Variants in LSAMP observed in about 807,000 individuals in gnomAD.
LSAMP encodes the protein limbic system associated membrane protein, also known as limbic system-associated membrane protein.
LSAMP carries 7 observed loss-of-function variants against 38.6 expected under a neutral mutation model. The ratio of observed to expected loss-of-function variants is 0.18; its 90% CI spans 0.10 to 0.34. The LOEUF is 0.34. Among genes scored for constraint, LSAMP ranks in the 10% least tolerant of loss-of-function variants. The pLI is 1.00. For missense variants in LSAMP, 313 were observed against 420.0 expected (o/e 0.75, Z 2.23); for synonymous variants, 154 against 166.8 (o/e 0.92, Z 0.59).
At position 115,841,891 on chromosome 3, in the gene LSAMP, C is replaced by T; in HGVS notation, c.873G>A (p.Val291=). ...TEEHYGNYTC[V]AANKLGVTNA... is the part of the protein sequence containing the mutation. The stretch of plus-strand genomic sequence containing the variant: ...TGGTGACCCCCAGCTTGTTGGCAGC[C>T]ACACAGGTGTAGTTGCCGTAGTGCT... The change falls in exon 6 of 7, where the codon GTG becomes GTA. Residue 291 remains valine, a synonymous_variant. Coordinates refer to ENST00000490035, the MANE Select transcript of LSAMP (RefSeq NM_002338.5). The T allele has an allele frequency of 6.2e-7, 1 of 1,613,928 alleles. No homozygotes were observed. The highest frequency in any genetic ancestry group is 1.1e-5 in the South Asian group (1 of 91,044).
chr3:116,176,056 C>A (rs997567636), intron 1 of LSAMP, among the ~76,000 whole-genome samples: 1 of 152,034 alleles, frequency 6.6e-6, no homozygotes, highest in African/African-American at 2.4e-5. Context: ...ACACAATATC[C>A]CTGGTAAGAA....
chr3:116,281,415 TAGAA>T (rs1054593647), intron 1 of LSAMP, among the ~76,000 whole-genome samples: 21 of 152,128 alleles, frequency 1.4e-4, no homozygotes, highest in Non-Finnish European at 2.8e-4. Flanking sequence ...ATTTTATAAT[TAGAA>T]AGAATGACAG....
intron 1 of LSAMP, among the ~76,000 whole-genome samples, chr3:116,331,013 G>A (rs1387328532): frequency 6.6e-6 from 1 of 151,900 alleles, no homozygotes; most frequent in African/African-American, 2.4e-5. Context: ...GGAAGATGTG[G>A]AGAAAGTTAA....
At chr3:115,879,559 A>G (rs1244880626) in intron 3 of LSAMP, among the ~76,000 whole-genome samples, 4 of 152,196 alleles carry the variant, frequency 2.6e-5, no homozygotes, top group Non-Finnish European at 5.9e-5. Flanking sequence ...TCATCCATCA[A>G]GAAAACATAT....
chr3:116,381,843 C>T (rs890413842), intron 1 of LSAMP, among the ~76,000 whole-genome samples: 10 of 152,038 alleles, frequency 6.6e-5, no homozygotes, highest in Non-Finnish European at 1.3e-4. Flanking sequence ...CATCAGTGTT[C>T]CAGTTGGCCT....
At chr3:116,183,210 G>A (rs1251961238) in intron 1 of LSAMP, among the ~76,000 whole-genome samples, 2 of 151,772 alleles carry the variant, frequency 1.3e-5, no homozygotes, top group African/African-American at 4.8e-5. Context: ...AAACACCCTA[G>A]ATTTAAAACT....
At chr3:116,108,943 G>A (rs909485998) in intron 1 of LSAMP, among the ~76,000 whole-genome samples, 2 of 152,176 alleles carry the variant, frequency 1.3e-5, no homozygotes, top group East Asian at 1.9e-4. Context: ...GGTTAATTAA[G>A]TCCTGTTGTG....
intron 3 of LSAMP, among the ~76,000 whole-genome samples, chr3:115,909,352 G>A (rs1937084679): frequency 6.6e-6 from 1 of 152,218 alleles, no homozygotes; most frequent in South Asian, 2.1e-4. Context: ...GTCCTTTCAT[G>A]CTTGTCTCTG....
chr3:116,375,558 C>T (rs1257944158), intron 1 of LSAMP, among the ~76,000 whole-genome samples: 1 of 151,780 alleles, frequency 6.6e-6, no homozygotes, highest in Non-Finnish European at 1.5e-5. Flanking sequence ...TTTTATGCTA[C>T]AAATGTCATA....
At chr3:115,893,352 AC>A (rs1400290874) in intron 3 of LSAMP, among the ~76,000 whole-genome samples, 24 of 152,174 alleles carry the variant, frequency 1.6e-4, no homozygotes, top group African/African-American at 5.5e-4. Flanking sequence ...GAGAACTCTG[AC>A]GACAAACTGG....
At chr3:116,393,012 C>T (rs2048724450) in intron 1 of LSAMP, among the ~76,000 whole-genome samples, 1 of 152,172 alleles carries the variant, frequency 6.6e-6, no homozygotes, top group Non-Finnish European at 1.5e-5. Flanking sequence ...GGGGTCTCCT[C>T]TGAGCTGTTC....
chr3:115,922,756 G>A (rs760108195), intron 3 of LSAMP, among the ~76,000 whole-genome samples: 4 of 151,994 alleles, frequency 2.6e-5, no homozygotes, highest in Admixed American at 6.6e-5. Flanking sequence ...AAATCTTTTG[G>A]GGAAGATGCC....
chr3:116,392,649 G>A (rs140666966), intron 1 of LSAMP, among the ~76,000 whole-genome samples: 33 of 152,328 alleles, frequency 2.2e-4, no homozygotes, highest in Middle Eastern at 3.4e-3. Flanking sequence ...TCCACCTTCT[G>A]GTTGGGGAGG....
rs536314751 is a variant in LSAMP at position 116,160,264 on chromosome 3, T to C, written c.156-73708A>G. Among the ~76,000 whole-genome samples, 5 of 152,128 alleles carry C rather than the reference T, an allele frequency of 3.3e-5. No individual in the cohort carries two copies. In the East Asian group the frequency reaches 9.7e-4, roughly 29 times the overall value. ...AAAATACAAAAGTAGCCAGGTGTGA[T>C]GGTGCACACTTGTAATCCCAGCTAC... is the stretch of plus-strand genomic sequence containing the variant. On this transcript the variant is annotated intron_variant, in intron 1 of 6. Coordinates refer to ENST00000490035, the MANE Select transcript of LSAMP (RefSeq NM_002338.5).
intron 3 of LSAMP, among the ~76,000 whole-genome samples, chr3:115,956,134 G>C (rs1372760864): frequency 1.3e-5 from 2 of 151,890 alleles, no homozygotes; most frequent in Non-Finnish European, 2.9e-5. Flanking sequence ...TTTAGAGCTT[G>C]TGTGCTCTCC....
chr3:116,262,052 G>A (rs2046833388), intron 1 of LSAMP, among the ~76,000 whole-genome samples: 1 of 151,818 alleles, frequency 6.6e-6, no homozygotes, highest in Non-Finnish European at 1.5e-5. Context: ...CTTCCCTATT[G>A]AGCCTAATGG....
At chr3:115,858,533 T>C (rs2107531258) in intron 3 of LSAMP, among the ~76,000 whole-genome samples, 1 of 150,852 alleles carries the variant, frequency 6.6e-6, no homozygotes, top group East Asian at 1.9e-4. Context: ...CTTTTATAAG[T>C]ATAGCATCTC....
chr3:116,008,232 G>T (rs977218397), intron 3 of LSAMP, among the ~76,000 whole-genome samples: 1 of 152,092 alleles, frequency 6.6e-6, no homozygotes, highest in African/African-American at 2.4e-5. Flanking sequence ...GTAGGCATTC[G>T]ATTATTCATG....
intron 1 of LSAMP, among the ~76,000 whole-genome samples, chr3:116,129,305 G>C (rs1559753650): frequency 6.6e-6 from 1 of 152,186 alleles, no homozygotes; most frequent in South Asian, 2.1e-4. Context: ...CATAAGAATG[G>C]CACTGCATTG....
Sources: allele counts gnomAD v4.1 joint callset (sites outside exome capture counted in the v4.1 genomes callset), GRCh38; gene constraint gnomAD v4.1.1; transcripts MANE v1.5; gene names NCBI Gene and HGNC (gene_info 2026-07-23, HGNC 2026-07-21).